Variants in KIR3DL2 observed in about 807,000 individuals in gnomAD.
KIR3DL2 encodes the protein killer cell immunoglobulin-like receptor 3DL2.
In KIR3DL2, 42 loss-of-function variants were observed where a neutral mutation model predicts 41.6. That is an observed-to-expected ratio of 1.01 (90% confidence interval 0.79 to 1.31). The LOEUF (loss-of-function observed/expected upper bound fraction) is 1.31. Ranked by LOEUF, KIR3DL2 falls within the 50% of genes most tolerant of loss-of-function variation. The probability of loss-of-function intolerance (pLI) is 0.00; values close to 1 mark genes in which losing one functional copy is unlikely to be tolerated. For missense variants in KIR3DL2, 728 were observed against 576.8 expected (o/e 1.26, Z -2.68); for synonymous variants, 230 against 221.3 (o/e 1.04, Z -0.35).
rs1381715988 is a variant in KIR3DL2 at position 54,866,890 on chromosome 19, C to A, written c.*159C>A. 7 of 821,048 alleles carry A rather than the reference C, an allele frequency of 8.5e-6. No individual in the cohort carries two copies. The East Asian group carries it at 1.5e-4, about 18-fold the overall frequency. 50.9% of individuals were successfully genotyped at this position (821,048 alleles called of 1,614,324 possible). ...TTACAAATGCCTAAGGTCGCCACTGCCTGCTGCAGAGAAAACACACTCCTT... is the reference window on the plus strand; with the variant it reads ...TTACAAATGCCTAAGGTCGCCACTGACTGCTGCAGAGAAAACACACTCCTT... On this transcript the variant is annotated 3_prime_UTR_variant, in exon 9 of 9. Coordinates refer to ENST00000326321, the MANE Select transcript of KIR3DL2 (RefSeq NM_006737.4).
chr19:54,866,742 G>A lies in KIR3DL2; in HGVS notation c.*11G>A. On this transcript the variant is annotated 3_prime_UTR_variant, in exon 9 of 9. Coordinates refer to ENST00000326321, the MANE Select transcript of KIR3DL2 (RefSeq NM_006737.4). ...GAGGGGGTTTTCTAGGGAGACAACA[G>A]CCCTGTCTCAAAACCAGGTTGCCAG... The A allele has an allele frequency of 6.2e-7, 1 of 1,612,670 alleles. No homozygotes were observed. The highest frequency in any genetic ancestry group is 8.5e-7 in the Non-Finnish European group (1 of 1,179,388).
At chr19:54,853,146 A>G (rs1050777150) in intron 3 of KIR3DL2, among the ~76,000 whole-genome samples, 2 of 151,686 alleles carry the variant, frequency 1.3e-5, no homozygotes, top group Non-Finnish European at 2.9e-5. Context: ...GAAACCAAAC[A>G]AGGAGAAGGT....
Position 54,866,502 on chromosome 19 carries a change from C to G in KIR3DL2, c.1159-20C>G. On this transcript the variant is annotated intron_variant, in intron 8 of 8. Coordinates refer to ENST00000326321, the MANE Select transcript of KIR3DL2 (RefSeq NM_006737.4). ...AAAAATGTGAGCACCCTCCCTCACT[C>G]AGCATTTCCCTCTCTCCAGGACTCT... The G allele has an allele frequency of 6.2e-7, 1 of 1,614,014 alleles. No homozygotes were observed. The highest frequency in any genetic ancestry group is 8.5e-7 in the Non-Finnish European group (1 of 1,179,960).
chr19:54,855,663 G>A lies in KIR3DL2; in HGVS notation c.700G>A (p.Val234Ile). Residue 234 changes from valine to isoleucine, a missense_variant, in exon 5 of 9, where the codon GTT (valine) becomes ATT (isoleucine). Coordinates refer to ENST00000326321, the MANE Select transcript of KIR3DL2 (RefSeq NM_006737.4). ...PSLSAQPGPT[V>I]QAGENVTLSC... ...TCTCTCAGCCCAGCCGGGCCCCACG[G>A]TTCAGGCAGGAGAGAACGTGACCTT... 1 of 1,613,514 alleles carries A rather than the reference G, an allele frequency of 6.2e-7. No homozygotes were observed.
At chr19:54,863,386 G>C (rs1024539117) in intron 6 of KIR3DL2, among the ~76,000 whole-genome samples, 12 of 152,046 alleles carry the variant, frequency 7.9e-5, no homozygotes, top group African/African-American at 2.9e-4. Context: ...TGGGATGGCT[G>C]GGTCAAATGG....
chr19:54,851,946 G>C, intron 2 of KIR3DL2, 52 bp from the exon 3 acceptor site: 1 of 1,589,994 alleles, frequency 6.3e-7, no homozygotes, highest in Non-Finnish European at 8.6e-7. Flanking sequence ...CACAGGGAGG[G>C]AGGGGTGGCT....
intron 6 of KIR3DL2, among the ~76,000 whole-genome samples, chr19:54,862,273 C>G (rs905183395): frequency 6.6e-6 from 1 of 151,978 alleles, no homozygotes; most frequent in African/African-American, 2.4e-5. Context: ...ACTTTTGTGT[C>G]CTTTTCTTGG....
intron 3 of KIR3DL2, among the ~76,000 whole-genome samples, chr19:54,852,503 C>A (rs557364654): frequency 2.0e-5 from 3 of 151,484 alleles, no homozygotes; most frequent in Non-Finnish European, 4.4e-5. Context: ...TGTTATAGGG[C>A]AGGGGACTGA....
In KIR3DL2 at chr19:54,853,883, C is replaced by A. The variant is rs1338364593; in HGVS notation, c.492C>A (p.Pro164=). ...FLHREGISED[P]SRLVGQIHDG... The stretch of plus-strand genomic sequence containing the variant: ...ACAGAGAGGGGATCTCTGAGGACCC[C>A]TCACGCCTCGTTGGACAGATCCATG... The change falls in exon 4 of 9, where the codon CCC becomes CCA. Residue 164 remains proline, a synonymous_variant. Transcript: ENST00000326321. The A allele has an allele frequency of 8.1e-6, 13 of 1,613,130 alleles. No individual in the cohort carries two copies. The Admixed American group carries it at 2.2e-4, about 27-fold the overall frequency.
intron 2 of KIR3DL2, 80 bp from the exon 3 acceptor site, chr19:54,851,918 A>G (rs2064278173): frequency 6.4e-7 from 1 of 1,551,056 alleles, no homozygotes; most frequent in Non-Finnish European, 8.8e-7. Flanking sequence ...GAAAGCGGAA[A>G]TGGGAGAATC....
chr19:54,855,996 T>G (rs199889703), intron 5 of KIR3DL2, 84 bp downstream of exon 5: 3 of 1,512,048 alleles, frequency 2.0e-6, no homozygotes, highest in Non-Finnish European at 2.7e-6. Flanking sequence ...GGGAGAAGCA[T>G]GGACAGATGC....
chr19:54,861,443 C>T (rs764970239), intron 6 of KIR3DL2, among the ~76,000 whole-genome samples: 89 of 151,754 alleles, frequency 5.9e-4, no homozygotes, highest in African/African-American at 1.8e-3. Flanking sequence ...GTCAGGAGTT[C>T]GAGACCAGCC....
chr19:54,866,376 C>T lies in KIR3DL2; in HGVS notation c.1112C>T (p.Ala371Val). 1 of 1,614,008 alleles carries T rather than the reference C, an allele frequency of 6.2e-7. No individual in the cohort carries two copies. The highest frequency in any genetic ancestry group is 8.5e-7 in the Non-Finnish European group (1 of 1,179,970). Residue 371 changes from alanine (A) to valine (V), a missense_variant, in exon 8 of 9, where the codon GCT (alanine) becomes GTT (valine). Coordinates refer to ENST00000326321, the MANE Select transcript of KIR3DL2 (RefSeq NM_006737.4). ...TGACTTCCGTCTCCTACAGATGCTGCTGTAATGGACCAAGAGCCTGCGGGG... is the reference window on the plus strand; with the variant it reads ...TGACTTCCGTCTCCTACAGATGCTGTTGTAATGGACCAAGAGCCTGCGGGG... ...YRWCSNKKNAAVMDQEPAGDR... is the reference protein window; with the variant it reads ...YRWCSNKKNAVVMDQEPAGDR...
intron 6 of KIR3DL2, among the ~76,000 whole-genome samples, chr19:54,861,228 C>T (rs1361909708): frequency 6.7e-6 from 1 of 150,266 alleles, no homozygotes; most frequent in Non-Finnish European, 1.5e-5. Context: ...TTAATTTTTC[C>T]TGGTAGTTTA....
chr19:54,863,791 T>C (rs1229485220), intron 6 of KIR3DL2, among the ~76,000 whole-genome samples: 1 of 152,066 alleles, frequency 6.6e-6, no homozygotes, highest in East Asian at 1.9e-4. Flanking sequence ...GAAAATTTTC[T>C]CCCATTTTGT....
chr19:54,857,153 G>A lies in KIR3DL2; in HGVS notation c.949+1241G>A, dbSNP rs1337516029. On this transcript the variant is annotated intron_variant, in intron 5 of 8. Transcript: ENST00000326321. ...GTCCAAGCTGGAGTCAAAGTGGTGC[G>A]ATCTTGGCTCATTGCAACCTCTGCT... 4.6e-5 allele frequency among the ~76,000 whole-genome samples: 7 copies of A among 150,992 alleles called. No individual in the cohort carries two copies. The East Asian group carries it at 5.8e-4, about 13-fold the overall frequency.
At chr19:54,858,600 G>C (rs1310245174) in intron 5 of KIR3DL2, among the ~76,000 whole-genome samples, 1 of 151,350 alleles carries the variant, frequency 6.6e-6, no homozygotes, top group African/African-American at 2.4e-5. Context: ...ATGGTGATCA[G>C]TGCCTGTAAT....
At position 54,852,025 on chromosome 19, in the gene KIR3DL2, C is replaced by T. The variant is rs1231089628; in HGVS notation, c.98C>T (p.Ala33Val). 6.2e-7 allele frequency: 1 copy of T among 1,611,002 alleles called. No individual in the cohort carries two copies. The highest frequency in any genetic ancestry group is 1.3e-5 in the African/African-American group (1 of 74,360). The part of the protein sequence containing the change: ...MGGQDKPFLS[A>V]RPSTVVPRGG... ...GGTCAGGACAAACCCTTCCTGTCTGCCCGGCCCAGCACTGTGGTGCCTCGA... is the reference window on the plus strand; with the variant it reads ...GGTCAGGACAAACCCTTCCTGTCTGTCCGGCCCAGCACTGTGGTGCCTCGA... Residue 33 changes from alanine (A) to valine (V), a missense_variant, in exon 3 of 9, where the codon GCC becomes GTC. Transcript: ENST00000326321.
chr19:54,855,062 A>T (rs111212228), intron 4 of KIR3DL2, among the ~76,000 whole-genome samples: 2 of 15,416 alleles, frequency 1.3e-4, no homozygotes, highest in Non-Finnish European at 2.2e-4. Context: ...ATGATGATGA[A>T]GATAGATAGA....
Sources: allele counts gnomAD v4.1 joint callset (sites outside exome capture counted in the v4.1 genomes callset), GRCh38; gene constraint gnomAD v4.1.1; transcripts MANE v1.5; gene names NCBI Gene and HGNC (gene_info 2026-07-23, HGNC 2026-07-21).